Variants in RAP1GAP2 observed in about 807,000 individuals in gnomAD.
The protein encoded by RAP1GAP2 is RAP1 GTPase activating protein 2.
Under a neutral mutation model 95.0 loss-of-function variants are expected in RAP1GAP2, and 27 were observed. That is an observed-to-expected ratio of 0.28 (90% CI 0.21 to 0.39). RAP1GAP2 has a LOEUF of 0.39. Among genes scored for constraint, RAP1GAP2 ranks in the 10% least tolerant of loss-of-function variants. The pLI is 1.00. For synonymous variants in RAP1GAP2, 373 were observed against 380.9 expected, an observed-to-expected ratio of 0.98 and a Z score of 0.24; for missense variants, 771 against 970.0, an observed-to-expected ratio of 0.79 and a Z score of 2.72.
chr17:2,981,829 C>T (rs572203397), intron 10 of RAP1GAP2, among the ~76,000 whole-genome samples: 2 of 152,232 alleles, frequency 1.3e-5, no homozygotes, highest in African/African-American at 4.8e-5. Context: ...AATAATAAAC[C>T]CACTGAGGAA....
At chr17:2,973,108 A>C (rs1174905585) in intron 8 of RAP1GAP2, among the ~76,000 whole-genome samples, 1 of 152,170 alleles carries the variant, frequency 6.6e-6, no homozygotes, top group Admixed American at 6.5e-5. Flanking sequence ...ATGCTAGAGA[A>C]GTAAGAAAAG....
chr17:2,876,690 G>A (rs190400190), intron 2 of RAP1GAP2, among the ~76,000 whole-genome samples: 1 of 152,134 alleles, frequency 6.6e-6, no homozygotes, highest in East Asian at 1.9e-4. Context: ...TGAGTCTTTA[G>A]GTCCCTGTGC....
chr17:2,889,890 T>TATATATA (rs1491260344), intron 2 of RAP1GAP2, among the ~76,000 whole-genome samples: 51 of 29,616 alleles, frequency 1.7e-3, no homozygotes, highest in African/African-American at 1.9e-3. Context: ...TATATATATA[T>TATATATA]TTTTTTTTTT....
chr17:2,779,287 A>G (rs1346681675), intron 1 of RAP1GAP2, among the ~76,000 whole-genome samples: 1 of 152,178 alleles, frequency 6.6e-6, no homozygotes, highest in Non-Finnish European at 1.5e-5. Flanking sequence ...TAAGGCATTT[A>G]TTGAATTTTT....
chr17:2,813,929 C>A (rs2069885221), intron 2 of RAP1GAP2, among the ~76,000 whole-genome samples: 1 of 151,844 alleles, frequency 6.6e-6, no homozygotes, highest in Non-Finnish European at 1.5e-5. Flanking sequence ...CACCATTGCA[C>A]TCTAGCCTGG....
At chr17:2,901,470 A>G (rs1298600184) in intron 2 of RAP1GAP2, among the ~76,000 whole-genome samples, 2 of 151,834 alleles carry the variant, frequency 1.3e-5, no homozygotes, top group Non-Finnish European at 2.9e-5. Context: ...CCGCGTCGTT[A>G]GAGTTGCATG....
intron 12 of RAP1GAP2, among the ~76,000 whole-genome samples, chr17:2,993,123 G>T (rs1271786953): frequency 6.6e-6 from 1 of 151,522 alleles, no homozygotes; most frequent in African/African-American, 2.4e-5. Context: ...TTGGGAGGCT[G>T]AGGCAGGAGA....
At position 2,903,620 on chromosome 17, in the gene RAP1GAP2, A is replaced by G. The variant is rs183436014; in HGVS notation, c.81-1664A>G. On this transcript the variant is annotated intron_variant, in intron 2 of 24. Coordinates refer to ENST00000254695, the MANE Select transcript of RAP1GAP2 (RefSeq NM_015085.5). The surrounding 1 kb of genome is among the most constrained non-coding windows in gnomAD (Gnocchi z 4.1). ...ATCAAAACTTACATCAACAAGGTCCAGGAAGAAAGAAAGAGGAAGGGAGAT... is the reference window on the plus strand; with the variant it reads ...ATCAAAACTTACATCAACAAGGTCCGGGAAGAAAGAAAGAGGAAGGGAGAT... Among the ~76,000 whole-genome samples, 7 of 152,364 alleles carry G rather than the reference A, an allele frequency of 4.6e-5. No individual in the cohort carries two copies. The highest frequency in any genetic ancestry group is 2.0e-4 in the Admixed American group (3 of 15,308).
rs72817362 is a variant in RAP1GAP2 at position 2,796,925 on chromosome 17, C to G, written c.44+354C>G. Among the ~76,000 whole-genome samples, 1 of 151,886 alleles carries G rather than the reference C, an allele frequency of 6.6e-6. No individual in the cohort carries two copies. Among genetic ancestry groups the G allele is most frequent in the East Asian group, 1.9e-4 (1 of 5,166 alleles). ...GATTATGTGTAAGTGTGTGTGTGCG[C>G]GTTTGAGCCTGTGTGTGCAGGCGTG... On this transcript the variant is annotated intron_variant, in intron 1 of 24. Coordinates refer to ENST00000254695, the MANE Select transcript of RAP1GAP2 (RefSeq NM_015085.5). The surrounding 1 kb of genome is among the most constrained non-coding windows in gnomAD (Gnocchi z 4.7).
intron 2 of RAP1GAP2, among the ~76,000 whole-genome samples, chr17:2,816,018 T>C (rs969379219): frequency 3.3e-5 from 5 of 151,024 alleles, no homozygotes; most frequent in African/African-American, 4.8e-5. Context: ...AGCGGGTTTT[T>C]ATTTGATTCA....
intron 2 of RAP1GAP2, among the ~76,000 whole-genome samples, chr17:2,824,782 C>A (rs1279705696): frequency 6.8e-6 from 1 of 147,420 alleles, no homozygotes; most frequent in Non-Finnish European, 1.5e-5. Flanking sequence ...ATATGGGTCA[C>A]AAATTCTGTT....
At chr17:2,839,326 AG>A (rs1009097618) in intron 2 of RAP1GAP2, among the ~76,000 whole-genome samples, 2 of 151,906 alleles carry the variant, frequency 1.3e-5, no homozygotes, top group Non-Finnish European at 1.5e-5. Flanking sequence ...AAAAAAAAAA[AG>A]AATAAAAAAT....
At chr17:2,776,886 C>T (rs573430422), upstream of RAP1GAP2, among the ~76,000 whole-genome samples, 399 of 152,018 alleles carry the variant, frequency 2.6e-3, 1 homozygote, top group Non-Finnish European at 3.2e-3. Context: ...GGGGCGACCG[C>T]GGGGACTGAG....
intron 14 of RAP1GAP2, among the ~76,000 whole-genome samples, chr17:3,000,489 CGTGGAGGTAA>C (rs1567878249): frequency 1.8e-4 from 4 of 21,678 alleles, no homozygotes; most frequent in African/African-American, 2.7e-4. Flanking sequence ...AAGTGGGGCT[CGTGGAGGTAA>C]CAGAATCAGC....
chr17:2,994,688 G>A (rs2045894256), intron 12 of RAP1GAP2, among the ~76,000 whole-genome samples: 1 of 152,226 alleles, frequency 6.6e-6, no homozygotes, highest in Non-Finnish European at 1.5e-5. Context: ...GCCCCACCTT[G>A]GGGGAATGGC....
At chr17:2,929,179 A>T (rs1023488182) in intron 3 of RAP1GAP2, among the ~76,000 whole-genome samples, 21 of 152,148 alleles carry the variant, frequency 1.4e-4, no homozygotes, top group African/African-American at 4.6e-4. Flanking sequence ...GCTGCAGTGA[A>T]CCATGATCGC....
intron 2 of RAP1GAP2, among the ~76,000 whole-genome samples, chr17:2,820,516 T>C (rs1238591037): frequency 6.7e-6 from 1 of 149,098 alleles, no homozygotes; most frequent in Non-Finnish European, 1.5e-5. Context: ...GCTACTAGGG[T>C]GGCTGAGGCA....
chr17:2,885,072 C>T lies in RAP1GAP2; in HGVS notation c.81-20212C>T, dbSNP rs571123473. On this transcript the variant is annotated intron_variant, in intron 2 of 24. Coordinates refer to ENST00000254695, the MANE Select transcript of RAP1GAP2 (RefSeq NM_015085.5). ...TTTTTGAGATGGAGTCTCGCTCTGT[C>T]GCCCAGGCTGGAGTACAGTGGCACG... Among the ~76,000 whole-genome samples the T allele has an allele frequency of 5.6e-4, 72 of 127,446 alleles. 2 individuals are homozygous for T. The South Asian group carries it at 0.01, about 18-fold the overall frequency. 83.6% of individuals were successfully genotyped at this position (127,446 alleles called of 152,430 possible). A position where few individuals can be genotyped will look rare whatever the true frequency, so the allele number is the denominator to read the frequency against.
rs1020228256 is a variant in RAP1GAP2, at chr17:3,027,406, A to C, written c.2107+336A>C. Reference sequence around the variant, plus strand: ...TGCCAGTGCTCCAACCCTTCTCCCCACCTGCCAGCGCTCCAGGGCTGCCAG... The same window carrying C: ...TGCCAGTGCTCCAACCCTTCTCCCCCCCTGCCAGCGCTCCAGGGCTGCCAG... On this transcript the variant is annotated intron_variant, in intron 22 of 24. Coordinates refer to ENST00000254695, the MANE Select transcript of RAP1GAP2 (RefSeq NM_015085.5). The surrounding 1 kb of genome is among the most constrained non-coding windows in gnomAD (Gnocchi z 5.2). 4.0e-5 allele frequency among the ~76,000 whole-genome samples: 6 copies of C among 151,662 alleles called. No individual in the cohort carries two copies. The highest frequency in any genetic ancestry group is 1.5e-4 in the African/African-American group (6 of 41,236).
Sources: allele counts gnomAD v4.1 joint callset (sites outside exome capture counted in the v4.1 genomes callset), GRCh38; gene constraint gnomAD v4.1.1; non-coding constraint Gnocchi (gnomAD v3.1); transcripts MANE v1.5; gene names NCBI Gene and HGNC (gene_info 2026-07-23, HGNC 2026-07-21).